The following ADAMTSL1 variants were observed in gnomAD, a reference collection of about 807,000 sequenced individuals.
ADAMTSL1 encodes ADAMTS-like protein 1.
A neutral mutation model predicts 201.8 loss-of-function variants in ADAMTSL1; 126 were observed. The ratio of observed to expected loss-of-function variants is 0.62; its 90% confidence interval spans 0.54 to 0.72. The LOEUF is 0.72. ADAMTSL1 is among the 30% of genes least tolerant of loss of function. ADAMTSL1 has a pLI of 0.00. For synonymous variants in ADAMTSL1, 1,121 were observed against 903.4 expected (o/e 1.24, Z -4.32); for missense variants, 2,679 against 2,277.8 (o/e 1.18, Z -3.59).
chr9:18,860,829 C>T (rs1183840763), intron 23 of ADAMTSL1, among the ~76,000 whole-genome samples: 4 of 152,176 alleles, frequency 2.6e-5, no homozygotes, highest in African/African-American at 9.7e-5. Context: ...CATTTTAAAG[C>T]AGAATACAGG....
At chr9:18,140,886 A>C (rs1389414931) in intron 1 of ADAMTSL1, among the ~76,000 whole-genome samples, 1 of 152,358 alleles carries the variant, frequency 6.6e-6, no homozygotes, top group African/African-American at 2.4e-5. Context: ...GTCCAAAATT[A>C]GGCTACTTGG....
At chr9:18,151,263 G>A in intron 1 of ADAMTSL1, among the ~76,000 whole-genome samples, 1 of 152,008 alleles carries the variant, frequency 6.6e-6, no homozygotes, top group South Asian at 2.1e-4. Flanking sequence ...ACTGTAATGT[G>A]GGGGGAGTAA....
chr9:18,165,683 A>G (rs1307556910), intron 2 of ADAMTSL1, among the ~76,000 whole-genome samples: 1 of 151,924 alleles, frequency 6.6e-6, no homozygotes, highest in East Asian at 1.9e-4. Context: ...AGAGGGGAAA[A>G]CAAGAAAAGT....
chr9:18,411,026 G>T (rs117632463), intron 2 of ADAMTSL1, among the ~76,000 whole-genome samples: 15,781 of 144,844 alleles, frequency 0.11, 1,136 homozygotes, highest in Non-Finnish European at 0.16. Flanking sequence ...TTTTTGTTTG[G>T]TTTTTTTTTT....
intron 1 of ADAMTSL1, among the ~76,000 whole-genome samples, chr9:18,057,274 C>G (rs1050405910): frequency 6.6e-6 from 1 of 152,160 alleles, no homozygotes; most frequent in Non-Finnish European, 1.5e-5. Context: ...GACGATTTTT[C>G]CTTTCATAAT....
intron 23 of ADAMTSL1, among the ~76,000 whole-genome samples, chr9:18,877,126 AGACTT>A (rs1828211236): frequency 6.6e-6 from 1 of 152,010 alleles, no homozygotes; most frequent in African/African-American, 2.4e-5. Flanking sequence ...ATTTCTCTGG[AGACTT>A]TTCCATCCAT....
intron 25 of ADAMTSL1, among the ~76,000 whole-genome samples, chr9:18,891,912 A>G (rs7031396): frequency 0.29 from 44,549 of 152,182 alleles, 9,369 homozygotes; most frequent in African/African-American, 0.6. Context: ...ACAAGTTTGA[A>G]GGCCAAAAGT....
At chr9:18,258,912 A>G (rs1408468255) in intron 2 of ADAMTSL1, among the ~76,000 whole-genome samples, 1 of 152,188 alleles carries the variant, frequency 6.6e-6, no homozygotes, top group Non-Finnish European at 1.5e-5. Context: ...TAGGTCAGCA[A>G]TGACCTTCAT....
intron 2 of ADAMTSL1, among the ~76,000 whole-genome samples, chr9:18,512,415 C>G (rs1818090375): frequency 6.6e-6 from 1 of 151,762 alleles, no homozygotes; most frequent in South Asian, 2.1e-4. Flanking sequence ...GAATCTGTAA[C>G]TCTTAGATGT....
intron 2 of ADAMTSL1, among the ~76,000 whole-genome samples, chr9:18,191,382 G>T (rs907592527): frequency 6.6e-6 from 1 of 152,168 alleles, no homozygotes; most frequent in African/African-American, 2.4e-5. Flanking sequence ...TGACTGGGAG[G>T]CCCAGAGAGG....
intron 1 of ADAMTSL1, among the ~76,000 whole-genome samples, chr9:17,953,966 GTTCCTTAA>G (rs1471667286): frequency 1.3e-5 from 2 of 152,156 alleles, no homozygotes; most frequent in African/African-American, 2.4e-5. Context: ...TGTTGGTTGG[GTTCCTTAA>G]TTTTTTTCTA....
At chr9:17,919,934 A>G (rs1332644814) in intron 1 of ADAMTSL1, among the ~76,000 whole-genome samples, 1 of 152,134 alleles carries the variant, frequency 6.6e-6, no homozygotes, top group Non-Finnish European at 1.5e-5. Flanking sequence ...ATACATTCCC[A>G]TCAGCAGTGT....
chr9:18,655,614 C>G (rs1026899679), intron 7 of ADAMTSL1, among the ~76,000 whole-genome samples: 1 of 151,626 alleles, frequency 6.6e-6, no homozygotes, highest in South Asian at 2.1e-4. Context: ...CCAAAAAGAA[C>G]ATCTGCAAAA....
intron 5 of ADAMTSL1, among the ~76,000 whole-genome samples, chr9:18,627,535 T>C (rs1179817649): frequency 6.6e-6 from 1 of 152,230 alleles, no homozygotes; most frequent in East Asian, 1.9e-4. Context: ...AACACAGCTC[T>C]GGAAGCATTG....
intron 2 of ADAMTSL1, among the ~76,000 whole-genome samples, chr9:18,274,398 T>G (rs1832505257): frequency 2.0e-5 from 3 of 152,318 alleles, no homozygotes; most frequent in Non-Finnish European, 4.4e-5. Flanking sequence ...CTAATATTTC[T>G]TTCCCCCAAA....
In ADAMTSL1 at chr9:18,784,848, G is replaced by A. The variant is rs571449068; in HGVS notation, c.3677+6942G>A. Among the ~76,000 whole-genome samples the A allele has an allele frequency of 1.8e-4, 28 of 152,210 alleles. 1 individual carries two copies. In the South Asian group the frequency reaches 4.6e-3, roughly 25 times the overall value. On this transcript the variant is annotated intron_variant, in intron 19 of 28. Transcript: ENST00000380548. ...AAGCACGGAGATGTTAGATTAACTC[G>A]CTCAAAGTCTCTCACTTAAAAAGTA...
At chr9:18,652,058 C>T (rs1354650662) in intron 7 of ADAMTSL1, among the ~76,000 whole-genome samples, 1 of 151,836 alleles carries the variant, frequency 6.6e-6, no homozygotes, top group African/African-American at 2.4e-5. Flanking sequence ...TGATACATAT[C>T]ATTGAATACT....
intron 1 of ADAMTSL1, among the ~76,000 whole-genome samples, chr9:17,998,062 T>C (rs745900261): frequency 1.3e-5 from 2 of 152,072 alleles, no homozygotes. Flanking sequence ...TCTCCATTAA[T>C]AAAAATTGGA....
intron 2 of ADAMTSL1, among the ~76,000 whole-genome samples, chr9:18,527,185 G>A (rs1308711342): frequency 6.6e-6 from 1 of 152,126 alleles, no homozygotes; most frequent in Non-Finnish European, 1.5e-5. Context: ...AAAATTCTTT[G>A]CCATAAGTCC....
Sources: gnomAD v4.1 joint callset for allele counts (sites outside exome capture counted in the v4.1 genomes callset) on GRCh38, gnomAD v4.1.1 for gene constraint, MANE v1.5 for transcripts, NCBI Gene and HGNC (gene_info 2026-07-23, HGNC 2026-07-21) for gene names.